The following NCS1 variants were observed in gnomAD, a reference collection of about 807,000 sequenced individuals.
NCS1 encodes neuronal calcium sensor 1, also known as frequenin homolog.
In NCS1, 6 loss-of-function variants were observed where a neutral mutation model predicts 28.4. That is an observed-to-expected ratio of 0.21 (90% CI 0.12 to 0.42). The LOEUF (loss-of-function observed/expected upper bound fraction) is 0.42. Among genes scored for constraint, NCS1 ranks in the 10% least tolerant of loss-of-function variants. NCS1 has a pLI of 1.00. For synonymous variants in NCS1, 86 were observed against 99.3 expected, an observed-to-expected ratio of 0.87 and a Z score of 0.79; for missense variants, 131 against 241.4, an observed-to-expected ratio of 0.54 and a Z score of 3.03.
intron 1 of NCS1, chr9:130,200,679 G>A (rs533171338): frequency 8.3e-5 from 129 of 1,548,442 alleles, no homozygotes; most frequent in Admixed American, 4.3e-4. Flanking sequence ...GCCACAGGGC[G>A]TTCCTGGGGG....
Position 130,223,063 on chromosome 9 carries a change from G to C in NCS1, c.397-19G>C, listed in dbSNP as rs781827667. 6.2e-7 allele frequency: 1 copy of C among 1,610,642 alleles called. No homozygotes were observed. ...GCCCAGAGTGCCAGGGCCCACCCCC[G>C]CCTTGTCCGTCCCTGCAGGGGAATA... On this transcript the variant is annotated intron_variant, in intron 5 of 7. Coordinates refer to ENST00000372398, the MANE Select transcript of NCS1 (RefSeq NM_014286.4).
chr9:130,185,775 G>A (rs1337216012), intron 1 of NCS1, among the ~76,000 whole-genome samples: 5 of 152,268 alleles, frequency 3.3e-5, no homozygotes, highest in Non-Finnish European at 5.9e-5. Flanking sequence ...GCACTGGCCG[G>A]GTTCTTGCCC....
In NCS1 at chr9:130,177,641, G is replaced by C. The variant is rs1366773781; in HGVS notation, c.64+4914G>C. 1.3e-5 allele frequency among the ~76,000 whole-genome samples: 2 copies of C among 152,234 alleles called. No individual in the cohort carries two copies. Among genetic ancestry groups the C allele is most frequent in the African/African-American group, 4.8e-5 (2 of 41,466 alleles). On this transcript the variant is annotated intron_variant, in intron 1 of 7. Transcript: ENST00000372398. This position sits in a 1 kb window ranked among gnomAD's most constrained non-coding sequence, Gnocchi z 4.4. ...AGAAACATCACCTGTGTTATTAGGA[G>C]AGGACTCGATCCCCTGCGGTGCGGG...
In NCS1 at chr9:130,228,150, T is replaced by TA. The variant is rs200020215; in HGVS notation, c.*17+1648dup. 4.0e-3 allele frequency among the ~76,000 whole-genome samples: 606 copies of TA among 152,144 alleles called. 3 individuals carry two copies. The highest frequency in any genetic ancestry group is 0.014 in the African/African-American group (574 of 41,506). On this transcript the variant is annotated intron_variant, in intron 7 of 7. Transcript: ENST00000372398. ...TGAAAGCCAGTGTCTTTTTATAGCA[T>TA]AATCTTGGAAGTGATATCCATCACT...
intron 1 of NCS1, among the ~76,000 whole-genome samples, chr9:130,173,640 G>T (rs1243929593): frequency 1.3e-5 from 2 of 152,200 alleles, no homozygotes; most frequent in Non-Finnish European, 2.9e-5. Flanking sequence ...AAGGACCTCT[G>T]CCTGGGTGTT....
chr9:130,226,549 G>A lies in NCS1; in HGVS notation c.*17+45G>A. The A allele has an allele frequency of 1.5e-5, 21 of 1,431,074 alleles. No homozygotes were observed. The highest frequency in any genetic ancestry group is 2.8e-5 in the African/African-American group (2 of 70,710). 88.6% of individuals were successfully genotyped at this position (1,431,074 alleles called of 1,614,324 possible). A position where few individuals can be genotyped will look rare whatever the true frequency, so the allele number is the denominator to read the frequency against. The stretch of plus-strand genomic sequence containing the variant: ...CTGGGGTGGGTCTGGGATGGGTCAG[G>A]GGTGAAAACCCAGCAGCAGGACACC... On this transcript the variant is annotated intron_variant, in intron 7 of 7. Coordinates refer to ENST00000372398, the MANE Select transcript of NCS1 (RefSeq NM_014286.4). This position sits in a 1 kb window ranked among gnomAD's most constrained non-coding sequence, Gnocchi z 4.8.
rs553449181 is a variant in NCS1, at chr9:130,229,519, C to A, written c.*17+3015C>A. ...CCACCCACCTCAGCCTCTCAAAGTG[C>A]TGGGATTACAGGTGTGGGCCATCGC... is the stretch of plus-strand genomic sequence containing the variant. On this transcript the variant is annotated intron_variant, in intron 7 of 7. Transcript: ENST00000372398. Among the ~76,000 whole-genome samples, 6 of 152,270 alleles carry A rather than the reference C, an allele frequency of 3.9e-5. No individual in the cohort carries two copies. The East Asian group carries it at 1.2e-3, about 29-fold the overall frequency.
intron 1 of NCS1, among the ~76,000 whole-genome samples, chr9:130,194,542 C>T (rs912938120): frequency 2.5e-4 from 38 of 152,276 alleles, no homozygotes; most frequent in African/African-American, 8.7e-4. Context: ...GGCCCTGTGT[C>T]GGCTCTGATT....
At chr9:130,202,096 C>T (rs184242045) in intron 2 of NCS1, among the ~76,000 whole-genome samples, 1 of 152,340 alleles carries the variant, frequency 6.6e-6, no homozygotes, top group Admixed American at 6.5e-5. Context: ...CCATGCCAGG[C>T]GTCTGCCACC....
In NCS1 at chr9:130,222,090, A is replaced by ACG. The variant is rs1554910633; in HGVS notation, c.308-560_308-559insCG. On this transcript the variant is annotated intron_variant, in intron 4 of 7. Transcript: ENST00000372398. ...AAATTATGTATCTATAAATATATAT[A>ACG]TGTGTGTGTGTATATATATATACGT... Among the ~76,000 whole-genome samples the ACG allele has an allele frequency of 8.2e-4, 64 of 78,390 alleles. 1 individual carries two copies. Among genetic ancestry groups the ACG allele is most frequent in the African/African-American group, 2.4e-3 (55 of 22,976 alleles). The allele number at this position is 78,390 out of a possible 152,430, so 51.4% of individuals were successfully genotyped here.
intron 4 of NCS1, among the ~76,000 whole-genome samples, chr9:130,221,451 G>GAGAGAGAGAA (rs1194707277): frequency 1.5e-4 from 21 of 138,098 alleles, no homozygotes; most frequent in African/African-American, 5.7e-4. Flanking sequence ...GAGAGAGAGA[G>GAGAGAGAGAA]AAAGAGAGAG....
At chr9:130,201,753 C>T (rs1262715497) in intron 2 of NCS1, among the ~76,000 whole-genome samples, 1 of 152,192 alleles carries the variant, frequency 6.6e-6, no homozygotes, top group Non-Finnish European at 1.5e-5. Flanking sequence ...CAAGTCCAAG[C>T]TGCAGATGGG....
At chr9:130,185,619 CTT>C in intron 1 of NCS1, among the ~76,000 whole-genome samples, 1 of 152,348 alleles carries the variant, frequency 6.6e-6, no homozygotes, top group Admixed American at 6.5e-5. Context: ...GCTCCTGCCT[CTT>C]TGTAGGAACC....
At chr9:130,222,961 A>AG in intron 5 of NCS1, 121 bp from the exon 6 acceptor site, 1 of 594,734 alleles carries the variant, frequency 1.7e-6, no homozygotes, top group Non-Finnish European at 2.9e-6. Context: ...AGGGATGGGG[A>AG]GGGGAAAGAA....
In NCS1 at chr9:130,175,631, G is replaced by A. The variant is rs1202449112; in HGVS notation, c.64+2904G>A. ...GGAGCCATGGGTCCACGTCCGAGTC[G>A]GTGCTGGGCAGTGTCCTTGGTGGGC... is the stretch of plus-strand genomic sequence containing the variant. On this transcript the variant is annotated intron_variant, in intron 1 of 7. Transcript: ENST00000372398. The surrounding 1 kb of genome is among the most constrained non-coding windows in gnomAD (Gnocchi z 4.9). 6.6e-6 allele frequency among the ~76,000 whole-genome samples: 1 copy of A among 152,166 alleles called. No individual in the cohort carries two copies. The highest frequency in any genetic ancestry group is 1.5e-5 in the Non-Finnish European group (1 of 68,024).
rs1490840941 is a variant in NCS1, at chr9:130,236,040, T to A, written c.*3068T>A. On this transcript the variant is annotated 3_prime_UTR_variant, in exon 8 of 8. Transcript: ENST00000372398. ...TAAGCAGGCCACGTTTAAAATAACA[T>A]CAAGGCAAGCGTACGTGTCACCCTC... is the stretch of plus-strand genomic sequence containing the variant. 2.0e-5 allele frequency: 3 copies of A among 152,248 alleles called. No individual in the cohort carries two copies. Among genetic ancestry groups the A allele is most frequent in the African/African-American group, 7.2e-5 (3 of 41,448 alleles). 9.4% of individuals were successfully genotyped at this position (152,248 alleles called of 1,614,324 possible).
chr9:130,179,865 G>T (rs986115901), intron 1 of NCS1, among the ~76,000 whole-genome samples: 1 of 152,184 alleles, frequency 6.6e-6, no homozygotes, highest in Non-Finnish European at 1.5e-5. Flanking sequence ...GCGCCAGAAA[G>T]GTGAAGCATC....
intron 1 of NCS1, among the ~76,000 whole-genome samples, chr9:130,200,254 G>T (rs1392877601): frequency 6.6e-6 from 1 of 152,250 alleles, no homozygotes; most frequent in Non-Finnish European, 1.5e-5. Flanking sequence ...AGAGAACATT[G>T]ATTTGGTTCC....
At chr9:130,227,941 C>T (rs1833439995) in intron 7 of NCS1, among the ~76,000 whole-genome samples, 1 of 152,146 alleles carries the variant, frequency 6.6e-6, no homozygotes, top group East Asian at 1.9e-4. Flanking sequence ...ACTTGTCAGC[C>T]ATTGGCCAGG....
Sources: gnomAD v4.1 joint callset for allele counts (sites outside exome capture counted in the v4.1 genomes callset) on GRCh38, gnomAD v4.1.1 for gene constraint, Gnocchi (gnomAD v3.1) non-coding constraint, MANE v1.5 for transcripts, NCBI Gene and HGNC (gene_info 2026-07-23, HGNC 2026-07-21) for gene names.